TLK1: variants seen among roughly 807,000 people sequenced by gnomAD.
TLK1 encodes the protein serine/threonine-protein kinase tousled-like 1.
In TLK1, 24 loss-of-function variants were observed where a neutral mutation model predicts 105.3. The observed-to-expected ratio is 0.23, with a 90% CI of 0.17 to 0.32. The LOEUF (loss-of-function observed/expected upper bound fraction) is 0.32. Among genes scored for constraint, TLK1 ranks in the 10% least tolerant of loss-of-function variants. The pLI is 1.00. For synonymous variants in TLK1, 321 were observed against 310.4 expected (o/e 1.03, Z -0.36); for missense variants, 558 against 910.5 (o/e 0.61, Z 4.98).
intron 3 of TLK1, among the ~76,000 whole-genome samples, chr2:171,061,932 C>T (rs1485061814): frequency 3.9e-5 from 6 of 152,192 alleles, no homozygotes; most frequent in African/African-American, 1.2e-4. Flanking sequence ...TTTTACATTA[C>T]AACGGCAGAG....
chr2:171,135,034 T>G (rs1044553441), intron 1 of TLK1, among the ~76,000 whole-genome samples: 1 of 151,952 alleles, frequency 6.6e-6, no homozygotes, highest in Non-Finnish European at 1.5e-5. Context: ...TCTAAAAAAT[T>G]TGAACACACA....
intron 1 of TLK1, among the ~76,000 whole-genome samples, chr2:171,179,297 AT>A (rs1189664768): frequency 6.6e-6 from 1 of 152,174 alleles, no homozygotes; most frequent in Admixed American, 6.5e-5. Context: ...ACATGATGAC[AT>A]TTTTTTCTTT....
intron 4 of TLK1, chr2:171,059,837 G>A: frequency 1.3e-6 from 1 of 783,256 alleles, no homozygotes; most frequent in Non-Finnish European, 2.3e-6. Flanking sequence ...TCACAATAAG[G>A]TTCACACTCC....
rs79615736 is a variant in TLK1 at position 171,119,124 on chromosome 2, C to A, written c.140-1267G>T. ...TCTACTCACTCCTTGTCTCCTTCTG[C>A]CCTCACTTATGTCTTTTTAGAAGTC... On this transcript the variant is annotated intron_variant, in intron 1 of 20. Coordinates refer to ENST00000431350, the MANE Select transcript of TLK1 (RefSeq NM_012290.5). Among the ~76,000 whole-genome samples the A allele has an allele frequency of 5.1e-3, 778 of 152,246 alleles. 8 individuals carry two copies. The highest frequency in any genetic ancestry group is 0.018 in the African/African-American group (741 of 41,534).
chr2:171,128,864 GA>G, intron 1 of TLK1, among the ~76,000 whole-genome samples: 1 of 152,146 alleles, frequency 6.6e-6, no homozygotes, highest in South Asian at 2.1e-4. Context: ...TAAAAATAAA[GA>G]AATTGAGACA....
intron 3 of TLK1, among the ~76,000 whole-genome samples, chr2:171,072,233 G>A (rs1688292969): frequency 6.6e-6 from 1 of 152,120 alleles, no homozygotes; most frequent in Admixed American, 6.5e-5. Context: ...CATGACCATG[G>A]AATATCCTTC....
chr2:171,184,337 A>G (rs1692982853), intron 1 of TLK1, among the ~76,000 whole-genome samples: 1 of 152,220 alleles, frequency 6.6e-6, no homozygotes, highest in African/African-American at 2.4e-5. Context: ...CAAGTTTTTG[A>G]TAATTTGATA....
intron 1 of TLK1, chr2:171,155,738 C>T (rs1460481085): frequency 6.6e-6 from 1 of 152,130 alleles, no homozygotes; most frequent in Non-Finnish European, 1.5e-5. Flanking sequence ...TTGTTGTTAG[C>T]TGTTGCGAGT....
At chr2:171,051,786 T>C (rs1259467163) in intron 8 of TLK1, among the ~76,000 whole-genome samples, 1 of 152,062 alleles carries the variant, frequency 6.6e-6, no homozygotes, top group Middle Eastern at 3.2e-3. Flanking sequence ...CAAGGAAACA[T>C]GATACAGAAC....
intron 1 of TLK1, among the ~76,000 whole-genome samples, chr2:171,120,401 T>C (rs1013480641): frequency 6.6e-6 from 1 of 151,372 alleles, no homozygotes; most frequent in Non-Finnish European, 1.5e-5. Context: ...ATATATCTGA[T>C]AAAGGATTGA....
intron 18 of TLK1, among the ~76,000 whole-genome samples, chr2:171,004,714 T>A (rs1226761934): frequency 1.3e-5 from 2 of 152,212 alleles, no homozygotes; most frequent in Non-Finnish European, 2.9e-5. Context: ...CCATGGAATC[T>A]AAGATTCTAC....
chr2:171,148,878 T>TCA (rs1691900913), intron 1 of TLK1, among the ~76,000 whole-genome samples: 2 of 5,478 alleles, frequency 3.7e-4, no homozygotes, highest in Non-Finnish European at 1.4e-3. Context: ...AGACTCTGTC[T>TCA]TAAAAAAAAA....
chr2:171,074,642 A>AG (rs1558926178), intron 3 of TLK1, among the ~76,000 whole-genome samples: 1 of 150,606 alleles, frequency 6.6e-6, no homozygotes, highest in East Asian at 1.9e-4. Flanking sequence ...AAAAAAAAAA[A>AG]AAAGAAAGAA....
intron 3 of TLK1, among the ~76,000 whole-genome samples, chr2:171,068,473 T>C (rs1185934465): frequency 6.6e-6 from 1 of 152,176 alleles, no homozygotes; most frequent in East Asian, 1.9e-4. Flanking sequence ...CCCAGTTTCT[T>C]TGTTCTTTTT....
Position 171,117,774 on chromosome 2 carries a change from T to C in TLK1, c.223A>G (p.Thr75Ala). The C allele has an allele frequency of 1.9e-6, 3 of 1,614,028 alleles. No individual in the cohort carries two copies. Among genetic ancestry groups the C allele is most frequent in the Non-Finnish European group, 2.5e-6 (3 of 1,179,976 alleles). The change falls in exon 2 of 21, where the codon ACT becomes GCT. Residue 75 changes from threonine to alanine, a missense_variant. This residue lies in a region of TLK1 where 104 missense variants were observed against 116.0 expected (regional missense o/e 0.90). Transcript: ENST00000431350. ...ARFTGVASGS[T>A]GSTGSCSVGA... ...ACACTGCAACTGCCCGTACTTCCAG[T>C]GCTCCCACTTGCAACTCCAGTAAAT... is the stretch of plus-strand genomic sequence containing the variant.
intron 4 of TLK1, among the ~76,000 whole-genome samples, chr2:171,059,540 T>C (rs1482225647): frequency 6.6e-6 from 1 of 152,222 alleles, no homozygotes; most frequent in Non-Finnish European, 1.5e-5. Context: ...TTTTTCTTTT[T>C]TTAAATTTCT....
chr2:171,041,406 A>G (rs1336629828), intron 11 of TLK1, among the ~76,000 whole-genome samples: 1 of 152,164 alleles, frequency 6.6e-6, no homozygotes, highest in Non-Finnish European at 1.5e-5. Flanking sequence ...CTAAAGTCCT[A>G]CCCACCACAT....
chr2:171,068,747 A>G (rs190971955), intron 3 of TLK1, among the ~76,000 whole-genome samples: 353 of 152,344 alleles, frequency 2.3e-3, no homozygotes, highest in Non-Finnish European at 3.9e-3. Context: ...TCCACTTTAC[A>G]GTATCTCTAA....
upstream of TLK1, among the ~76,000 whole-genome samples, chr2:171,164,637 G>A (rs1575643036): frequency 6.6e-6 from 1 of 152,120 alleles, no homozygotes; most frequent in Non-Finnish European, 1.5e-5. Flanking sequence ...TTCAGAAAAA[G>A]TTCAATAAAT....
Sources: gnomAD v4.1 joint callset for allele counts (sites outside exome capture counted in the v4.1 genomes callset) on GRCh38, gnomAD v4.1.1 for gene constraint, gnomAD v4.1.1 regional missense constraint, MANE v1.5 for transcripts, NCBI Gene and HGNC (gene_info 2026-07-23, HGNC 2026-07-21) for gene names.